The following SMOX variants were observed in gnomAD, a reference collection of about 807,000 sequenced individuals.
The protein encoded by SMOX is flavin containing amine oxidase.
A neutral mutation model predicts 51.0 loss-of-function variants in SMOX; 22 were observed. The ratio of observed to expected loss-of-function variants is 0.43; its 90% CI spans 0.31 to 0.62. The LOEUF (loss-of-function observed/expected upper bound fraction) is 0.62. Among genes scored for constraint, SMOX ranks in the 20% least tolerant of loss-of-function variants. The pLI is 0.10. For missense variants in SMOX, 566 were observed against 777.7 expected (o/e 0.73, Z 3.24); for synonymous variants, 282 against 307.8 (o/e 0.92, Z 0.88).
At position 4,177,219 on chromosome 20, in the gene SMOX, A is replaced by AAG; in HGVS notation, c.209-132_209-131insAG. ...CTGAGGACCTTCGTTGGTTGCCAGC[A>AAG]GTGGAAGTTCAAGCTCTTTCCTGCC... On this transcript the variant is annotated intron_variant, in intron 2 of 6. Coordinates refer to ENST00000305958, the MANE Select transcript of SMOX (RefSeq NM_175839.3). The surrounding 1 kb of genome is among the most constrained non-coding windows in gnomAD (Gnocchi z 4.3). 1.3e-6 allele frequency: 1 copy of AAG among 768,168 alleles called. No individual in the cohort carries two copies. The highest frequency in any genetic ancestry group is 1.8e-5 in the African/African-American group (1 of 56,602). 47.6% of individuals were successfully genotyped at this position (768,168 alleles called of 1,614,324 possible).
In SMOX at chr20:4,183,547, A is replaced by G; in HGVS notation, c.1423A>G (p.Asn475Asp). Residue 475 changes from asparagine (N) to aspartate (D), a missense_variant, in exon 6 of 7, where the codon AAC becomes GAC. Physicochemically the swap from Asn to Asp is conservative, Grantham distance 23. Around this residue, in one of 3 missense-constraint regions of SMOX, gnomAD observed 347 missense variants for 481.8 expected, o/e 0.72. Coordinates refer to ENST00000305958, the MANE Select transcript of SMOX (RefSeq NM_175839.3). The surrounding 1 kb of genome is among the most constrained non-coding windows in gnomAD (Gnocchi z 4.3). ...RRILRSAWGSNPYFRGSYSYT... is the reference protein window; with the variant it reads ...RRILRSAWGSDPYFRGSYSYT... ...AATCTTGCGCTCGGCCTGGGGCAGC[A>G]ACCCTTACTTCCGCGGCTCCTATTC... is the stretch of plus-strand genomic sequence containing the variant. 6.2e-7 allele frequency: 1 copy of G among 1,614,156 alleles called. No individual in the cohort carries two copies. The highest frequency in any genetic ancestry group is 8.5e-7 in the Non-Finnish European group (1 of 1,179,984).
intron 1 of SMOX, among the ~76,000 whole-genome samples, chr20:4,161,289 G>C (rs780617175): frequency 6.6e-6 from 1 of 152,340 alleles, no homozygotes; most frequent in East Asian, 1.9e-4. Context: ...GCCTCATGCA[G>C]GGGGCTGTGT....
intron 1 of SMOX, among the ~76,000 whole-genome samples, chr20:4,173,917 C>A (rs1978618298): frequency 6.6e-6 from 1 of 152,276 alleles, no homozygotes; most frequent in Admixed American, 6.5e-5. Context: ...GATTTGGGGA[C>A]CCCCTTGGCC....
Position 4,167,348 on chromosome 20 carries a change from G to A in SMOX, c.-26-7682G>A, listed in dbSNP as rs960101016. On this transcript the variant is annotated intron_variant, in intron 1 of 6. Coordinates refer to ENST00000305958, the MANE Select transcript of SMOX (RefSeq NM_175839.3). The surrounding 1 kb of genome is among the most constrained non-coding windows in gnomAD (Gnocchi z 4.8). ...CTGGGCCCTAGGAAAGGTGACTTCT[G>A]TACTGGTCTCTTTGGGGATCTTCCT... is the stretch of plus-strand genomic sequence containing the variant. Among the ~76,000 whole-genome samples, 1 of 152,148 alleles carries A rather than the reference G, an allele frequency of 6.6e-6. No homozygotes were observed. Among genetic ancestry groups the A allele is most frequent in the East Asian group, 1.9e-4 (1 of 5,192 alleles).
At chr20:4,180,865 C>T (rs930534736) in intron 3 of SMOX, among the ~76,000 whole-genome samples, 1 of 152,174 alleles carries the variant, frequency 6.6e-6, no homozygotes. Flanking sequence ...GCAGCCCAAT[C>T]GTGGACTGTC....
chr20:4,159,746 C>T (rs775945974), intron 1 of SMOX, among the ~76,000 whole-genome samples: 6 of 152,244 alleles, frequency 3.9e-5, no homozygotes, highest in East Asian at 3.8e-4. Flanking sequence ...CCAAACTCAG[C>T]GTCTCCACTT....
chr20:4,183,514 C>T lies in SMOX; in HGVS notation c.1390C>T (p.Pro464Ser). Residue 464 changes from proline (P) to serine (S), a missense_variant, in exon 6 of 7, where the codon CCT becomes TCT. Pro to Ser is a moderately conservative substitution (Grantham distance 74, BLOSUM62 -1). Coordinates refer to ENST00000305958, the MANE Select transcript of SMOX (RefSeq NM_175839.3). The surrounding 1 kb of genome is among the most constrained non-coding windows in gnomAD (Gnocchi z 4.3). Reference sequence around the variant, plus strand: ...ATCAGGGAACCCCAACATTCCAAAACCTCGGCGAATCTTGCGCTCGGCCTG... The same window carrying T: ...ATCAGGGAACCCCAACATTCCAAAATCTCGGCGAATCTTGCGCTCGGCCTG... ...QFTGNPNIPK[P>S]RRILRSAWGS... 1.2e-6 allele frequency: 2 copies of T among 1,614,244 alleles called. No homozygotes were observed. Among genetic ancestry groups the T allele is most frequent in the Non-Finnish European group, 1.7e-6 (2 of 1,180,042 alleles).
chr20:4,160,813 G>A (rs963620201), intron 1 of SMOX, among the ~76,000 whole-genome samples: 4 of 152,214 alleles, frequency 2.6e-5, no homozygotes, highest in Non-Finnish European at 4.4e-5. Context: ...GATCCAGCAC[G>A]GCTCAGACAG....
In SMOX at chr20:4,159,478, GGCAGGCTGATA is replaced by G. The variant is rs542156405; in HGVS notation, c.-27+10510_-27+10520del. On this transcript the variant is annotated intron_variant, in intron 1 of 6. Transcript: ENST00000305958. ...AATATATTACTAAGTAAAATTTAGA[GGCAGGCTGATA>G]GCAGGCTGTGGAACCTCTCTGAATC... is the stretch of plus-strand genomic sequence containing the variant. 3.4e-4 allele frequency among the ~76,000 whole-genome samples: 52 copies of G among 152,290 alleles called. No homozygotes were observed. In the South Asian group the frequency reaches 0.011, roughly 31 times the overall value.
At chr20:4,152,981 T>C (rs1262332568) in intron 1 of SMOX, among the ~76,000 whole-genome samples, 1 of 152,186 alleles carries the variant, frequency 6.6e-6, no homozygotes, top group Non-Finnish European at 1.5e-5. Flanking sequence ...GCCACTTCTC[T>C]CATGCCTCTC....
Position 4,183,744 on chromosome 20 carries a change from C to A in SMOX, c.1530+90C>A. The A allele has an allele frequency of 7.0e-7, 1 of 1,425,220 alleles. No individual in the cohort carries two copies. The highest frequency in any genetic ancestry group is 1.5e-5 in the South Asian group (1 of 66,942). 88.3% of individuals were successfully genotyped at this position (1,425,220 alleles called of 1,614,324 possible). A position where few individuals can be genotyped will look rare whatever the true frequency, so the allele number is the denominator to read the frequency against. ...GGGTGAGGAGGGCTAGGGTAGTGTTCACTAAGGGGTGCTCAGGTGAGGCAG... is the reference window on the plus strand; with the variant it reads ...GGGTGAGGAGGGCTAGGGTAGTGTTAACTAAGGGGTGCTCAGGTGAGGCAG... On this transcript the variant is annotated intron_variant, in intron 6 of 6. Coordinates refer to ENST00000305958, the MANE Select transcript of SMOX (RefSeq NM_175839.3). The surrounding 1 kb of genome is among the most constrained non-coding windows in gnomAD (Gnocchi z 4.3).
chr20:4,180,652 C>T (rs533474886), intron 3 of SMOX, among the ~76,000 whole-genome samples: 3 of 152,282 alleles, frequency 2.0e-5, no homozygotes, highest in South Asian at 2.1e-4. Flanking sequence ...CTTCCAAAGT[C>T]GGCTCTCAGA....
At chr20:4,161,367 C>G (rs954869281) in intron 1 of SMOX, among the ~76,000 whole-genome samples, 1 of 152,188 alleles carries the variant, frequency 6.6e-6, no homozygotes, top group Non-Finnish European at 1.5e-5. Context: ...GCTGATAGCC[C>G]GGAGGAGAGA....
intron 1 of SMOX, among the ~76,000 whole-genome samples, chr20:4,155,039 G>C (rs1339263848): frequency 6.6e-6 from 1 of 152,074 alleles, no homozygotes; most frequent in Non-Finnish European, 1.5e-5. Context: ...CCACGAGGGG[G>C]TATCTTGGGT....
At chr20:4,162,650 C>T (rs1986389344) in intron 1 of SMOX, among the ~76,000 whole-genome samples, 1 of 152,170 alleles carries the variant, frequency 6.6e-6, no homozygotes, top group Non-Finnish European at 1.5e-5. Flanking sequence ...GATGCAGGGC[C>T]AGGCAAGGGT....
chr20:4,164,917 G>A (rs902288534), intron 1 of SMOX, among the ~76,000 whole-genome samples: 1 of 152,010 alleles, frequency 6.6e-6, no homozygotes, highest in Non-Finnish European at 1.5e-5. Context: ...AGACAAGGTC[G>A]CCCATAGTGG....
At chr20:4,184,251 C>T (rs1568749180) in intron 6 of SMOX, among the ~76,000 whole-genome samples, 1 of 151,834 alleles carries the variant, frequency 6.6e-6, no homozygotes, top group Non-Finnish European at 1.5e-5. Flanking sequence ...CCGCCTCAAC[C>T]TCCTGAAGTG....
At chr20:4,179,694 T>G (rs1354481105) in intron 3 of SMOX, among the ~76,000 whole-genome samples, 1 of 152,222 alleles carries the variant, frequency 6.6e-6, no homozygotes, top group Non-Finnish European at 1.5e-5. Context: ...TTCTACCATT[T>G]ATTAGCTGTG....
intron 1 of SMOX, among the ~76,000 whole-genome samples, chr20:4,156,781 C>G (rs573142010): frequency 1.1e-4 from 17 of 152,170 alleles, no homozygotes; most frequent in Non-Finnish European, 2.5e-4. Context: ...CTCACTCTGT[C>G]ACGCAGGCTG....
Sources: allele counts gnomAD v4.1 joint callset (sites outside exome capture counted in the v4.1 genomes callset), GRCh38; gene constraint gnomAD v4.1.1; regional missense constraint gnomAD v4.1.1; non-coding constraint Gnocchi (gnomAD v3.1); transcripts MANE v1.5; gene names NCBI Gene and HGNC (gene_info 2026-07-23, HGNC 2026-07-21).